Variants in FOXN2 observed in about 807,000 individuals in gnomAD.
FOXN2 encodes forkhead box protein N2.
A neutral mutation model predicts 41.2 loss-of-function variants in FOXN2; 19 were observed. That is an observed-to-expected ratio of 0.46 (90% CI 0.32 to 0.68). The LOEUF is 0.68. FOXN2 is among the 30% of genes least tolerant of loss of function. FOXN2 has a pLI of 0.03. For synonymous variants in FOXN2, 195 were observed against 176.8 expected (o/e 1.10, Z -0.82); for missense variants, 587 against 509.4 (o/e 1.15, Z -1.47).
intron 4 of FOXN2, among the ~76,000 whole-genome samples, chr2:48,359,635 G>A (rs1463787178): frequency 6.9e-6 from 1 of 145,600 alleles, no homozygotes; most frequent in East Asian, 2.2e-4. Context: ...TTTTTAAGAA[G>A]TATTTATGGA....
Position 48,346,395 on chromosome 2 carries a change from T to G in FOXN2, c.181T>G (p.Trp61Gly). 6 of 1,614,218 alleles carry G rather than the reference T, an allele frequency of 3.7e-6. No individual in the cohort carries two copies. Among genetic ancestry groups the G allele is most frequent in the Non-Finnish European group, 5.1e-6 (6 of 1,180,032 alleles). The change falls in exon 3 of 7, where the codon TGG becomes GGG. Residue 61 changes from tryptophan to glycine, a missense_variant. Coordinates refer to ENST00000340553, the MANE Select transcript of FOXN2 (RefSeq NM_002158.4). ...SADDELTNLNWLHESTNLLTN... is the reference protein window; with the variant it reads ...SADDELTNLNGLHESTNLLTN... ...AGATGATGAACTCACAAACTTGAAC[T>G]GGCTTCATGAAAGCACTAATCTTCT... is the stretch of plus-strand genomic sequence containing the variant.
At position 48,336,379 on chromosome 2, in the gene FOXN2, G is replaced by C. The variant is rs192781129; in HGVS notation, c.-15+7677G>C. On this transcript the variant is annotated intron_variant, in intron 2 of 6. Transcript: ENST00000340553. Reference sequence around the variant, plus strand: ...GCTGAGATTGTGCCACTGCACTCCAGCCTGGGTGACAGAGCAAGCCTCAGT... The same window carrying C: ...GCTGAGATTGTGCCACTGCACTCCACCCTGGGTGACAGAGCAAGCCTCAGT... Among the ~76,000 whole-genome samples, 15 of 151,156 alleles carry C rather than the reference G, an allele frequency of 9.9e-5. No homozygotes were observed. The East Asian group carries it at 2.3e-3, about 23-fold the overall frequency.
At chr2:48,369,498 A>C (rs1382258618) in intron 5 of FOXN2, among the ~76,000 whole-genome samples, 3 of 152,214 alleles carry the variant, frequency 2.0e-5, no homozygotes, top group Admixed American at 6.5e-5. Context: ...AGATGGTGCC[A>C]TTGCACTCCA....
chr2:48,325,728 T>G (rs943816953), intron 1 of FOXN2, among the ~76,000 whole-genome samples: 2 of 152,086 alleles, frequency 1.3e-5, no homozygotes, highest in Admixed American at 1.3e-4. Flanking sequence ...AGGAAAGATA[T>G]GTATTAAACC....
chr2:48,339,828 G>A (rs1226167746), intron 2 of FOXN2, among the ~76,000 whole-genome samples: 5 of 152,176 alleles, frequency 3.3e-5, no homozygotes, highest in African/African-American at 9.7e-5. Flanking sequence ...TATGAACAAA[G>A]ACTTCTATAA....
rs1024921482 is a variant in FOXN2, at chr2:48,370,340, A to T, written c.704-2952A>T. On this transcript the variant is annotated intron_variant, in intron 5 of 6. Transcript: ENST00000340553. ...CTAAAAGACAGGAATTGGAGAGGTCATTGTTTTTGCTAGCCTCTTGGATGT... is the reference window on the plus strand; with the variant it reads ...CTAAAAGACAGGAATTGGAGAGGTCTTTGTTTTTGCTAGCCTCTTGGATGT... Among the ~76,000 whole-genome samples, 4 of 148,216 alleles carry T rather than the reference A, an allele frequency of 2.7e-5. No individual in the cohort carries two copies. The South Asian group carries it at 8.6e-4, about 32-fold the overall frequency.
intron 1 of FOXN2, among the ~76,000 whole-genome samples, chr2:48,318,245 G>A (rs1450459283): frequency 2.0e-5 from 3 of 151,988 alleles, no homozygotes; most frequent in South Asian, 4.1e-4. Flanking sequence ...TTCCTATTTC[G>A]CTAATTTTTC....
At chr2:48,338,641 C>T (rs550295355) in intron 2 of FOXN2, among the ~76,000 whole-genome samples, 8 of 152,066 alleles carry the variant, frequency 5.3e-5, no homozygotes, top group African/African-American at 1.4e-4. Context: ...CCTCATGATC[C>T]GCCCGCCTCT....
At position 48,346,732 on chromosome 2, in the gene FOXN2, T is replaced by C. The variant is rs1446826987; in HGVS notation, c.518T>C (p.Val173Ala). Residue 173 changes from valine to alanine, a missense_variant, in exon 3 of 7, where the codon GTG (valine) becomes GCG (alanine). Physicochemically the swap from Val to Ala is moderately conservative, Grantham distance 64 (BLOSUM62 0). Coordinates refer to ENST00000340553, the MANE Select transcript of FOXN2 (RefSeq NM_002158.4). ...TCCCTGAATAAATGTTTTCAGAAAG[T>C]GGAAAGAAGCCATGGCAAGGTCAGT... ...NLSLNKCFQK[V>A]ERSHGKVNGK... 6 of 1,591,560 alleles carry C rather than the reference T, an allele frequency of 3.8e-6. No individual in the cohort carries two copies. In the East Asian group the frequency reaches 1.1e-4, roughly 30 times the overall value.
At chr2:48,358,314 C>G (rs1280554125) in intron 3 of FOXN2, among the ~76,000 whole-genome samples, 1 of 152,082 alleles carries the variant, frequency 6.6e-6, no homozygotes, top group African/African-American at 2.4e-5. Flanking sequence ...GCAGCTATGT[C>G]TCTTGCATAT....
chr2:48,359,377 T>C (rs1032796513), intron 4 of FOXN2, among the ~76,000 whole-genome samples: 2 of 152,284 alleles, frequency 1.3e-5, no homozygotes, highest in Non-Finnish European at 1.5e-5. Context: ...CACTGCAACC[T>C]CCCTCTCCTG....
rs796814149 is a variant in FOXN2, at chr2:48,358,564, G to A, written c.538-483G>A. 3.5e-4 allele frequency among the ~76,000 whole-genome samples: 54 copies of A among 152,204 alleles called. 1 individual carries two copies. Among genetic ancestry groups the A allele is most frequent in the African/African-American group, 1.0e-3 (43 of 41,544 alleles). ...AAATGATATTCAGAGATAAAAGAGC[G>A]TCAATAATAGACTAGTAGTACCTTG... On this transcript the variant is annotated intron_variant, in intron 3 of 6. Coordinates refer to ENST00000340553, the MANE Select transcript of FOXN2 (RefSeq NM_002158.4).
chr2:48,335,951 C>A (rs1325214877), intron 2 of FOXN2, among the ~76,000 whole-genome samples: 1 of 151,658 alleles, frequency 6.6e-6, no homozygotes, highest in Non-Finnish European at 1.5e-5. Context: ...TGGCATGAAC[C>A]CAGGGGGCAG....
chr2:48,356,698 T>C (rs1671815695), intron 3 of FOXN2, among the ~76,000 whole-genome samples: 1 of 152,210 alleles, frequency 6.6e-6, no homozygotes, highest in African/African-American at 2.4e-5. Context: ...AGCAACTCTA[T>C]TAAAATATAC....
rs1015114101 is a variant in FOXN2 at position 48,314,756 on chromosome 2, G to C, written c.-215G>C. On this transcript the variant is annotated 5_prime_UTR_variant, in exon 1 of 7. Coordinates refer to ENST00000340553, the MANE Select transcript of FOXN2 (RefSeq NM_002158.4). ...GCTGGAAGCTGCAGGGAACAGCTGC[G>C]GTGCTCTGCCATATTGTGTCTTCCC... 1 of 152,400 alleles carries C rather than the reference G, an allele frequency of 6.6e-6. No individual in the cohort carries two copies. The highest frequency in any genetic ancestry group is 1.5e-5 in the Non-Finnish European group (1 of 68,198). The allele number at this position is 152,400 out of a possible 1,614,324, so 9.4% of individuals were successfully genotyped here.
At position 48,346,174 on chromosome 2, in the gene FOXN2, C is replaced by T. The variant is rs781161799; in HGVS notation, c.-14-27C>T. On this transcript the variant is annotated intron_variant, in intron 2 of 6. Transcript: ENST00000340553. ...CAGAGTTTAAGAATCTAAAGTATTA[C>T]ATTGATAATTGTTTCCTTTGTTGCA... 9 of 1,525,284 alleles carry T rather than the reference C, an allele frequency of 5.9e-6. No homozygotes were observed. In the South Asian group the frequency reaches 1.0e-4, roughly 17 times the overall value. 94.5% of individuals were successfully genotyped at this position (1,525,284 alleles called of 1,614,324 possible). A position where few individuals can be genotyped will look rare whatever the true frequency, so the allele number is the denominator to read the frequency against.
chr2:48,355,526 A>G (rs1671736793), intron 3 of FOXN2, among the ~76,000 whole-genome samples: 1 of 152,208 alleles, frequency 6.6e-6, no homozygotes, highest in South Asian at 2.1e-4. Flanking sequence ...AAAGAGATAC[A>G]TTCAAGTAGA....
rs556192292 is a variant in FOXN2 at position 48,375,964 on chromosome 2, C to T, written c.*521C>T. On this transcript the variant is annotated 3_prime_UTR_variant, in exon 7 of 7. Coordinates refer to ENST00000340553, the MANE Select transcript of FOXN2 (RefSeq NM_002158.4). ...AATTTTTTTTTTGTTGTCGTGTGAG[C>T]AAAGACAAACATAAATTGAAAAACA... is the stretch of plus-strand genomic sequence containing the variant. 1 of 152,368 alleles carries T rather than the reference C, an allele frequency of 6.6e-6. No homozygotes were observed. Among genetic ancestry groups the T allele is most frequent in the South Asian group, 2.1e-4 (1 of 4,850 alleles). 9.4% of individuals were successfully genotyped at this position (152,368 alleles called of 1,614,324 possible). A position where few individuals can be genotyped will look rare whatever the true frequency, so the allele number is the denominator to read the frequency against.
At chr2:48,333,743 T>G (rs1670166140) in intron 2 of FOXN2, among the ~76,000 whole-genome samples, 1 of 152,176 alleles carries the variant, frequency 6.6e-6, no homozygotes, top group Non-Finnish European at 1.5e-5. Flanking sequence ...TTCTTAACCC[T>G]ATAGTGGCAA....
Sources: allele counts gnomAD v4.1 joint callset (sites outside exome capture counted in the v4.1 genomes callset), GRCh38; gene constraint gnomAD v4.1.1; transcripts MANE v1.5; gene names NCBI Gene and HGNC (gene_info 2026-07-23, HGNC 2026-07-21).